Variants in ANXA10 observed in about 807,000 individuals in gnomAD.
ANXA10 encodes annexin A10.
A neutral mutation model predicts 53.5 loss-of-function variants in ANXA10; 49 were observed. The ratio of observed to expected loss-of-function variants is 0.92; its 90% CI spans 0.73 to 1.16. The LOEUF is 1.16. Among genes scored for constraint, ANXA10 ranks in the 50% most tolerant of loss-of-function variants. ANXA10 has a pLI of 0.00. For synonymous variants in ANXA10, 131 were observed against 128.9 expected (o/e 1.02, Z -0.11); for missense variants, 393 against 394.4 (o/e 1.00, Z 0.03).
chr4:168,097,783 A>T (rs189481931), intron 1 of ANXA10, among the ~76,000 whole-genome samples: 349 of 152,260 alleles, frequency 2.3e-3, no homozygotes, highest in Admixed American at 4.3e-3. Context: ...TTTCATTGAC[A>T]TATAAGATTC....
At chr4:168,163,012 A>G (rs1731813363) in intron 4 of ANXA10, among the ~76,000 whole-genome samples, 1 of 152,216 alleles carries the variant, frequency 6.6e-6, no homozygotes. Flanking sequence ...GAATCTTGTT[A>G]CATTATTTGT....
At chr4:168,136,640 C>G (rs1028210010) in intron 2 of ANXA10, among the ~76,000 whole-genome samples, 2 of 152,184 alleles carry the variant, frequency 1.3e-5, no homozygotes, top group African/African-American at 4.8e-5. Flanking sequence ...AGCTCCGCCC[C>G]CATGGCTCTG....
rs1298587667 is a variant in ANXA10, at chr4:168,179,423, C to T, written c.724+111C>T. 19 of 731,032 alleles carry T rather than the reference C, an allele frequency of 2.6e-5. 1 individual carries two copies. The South Asian group carries it at 3.6e-4, about 14-fold the overall frequency. The allele number at this position is 731,032 out of a possible 1,614,324, so 45.3% of individuals were successfully genotyped here. On this transcript the variant is annotated intron_variant, in intron 9 of 11. Transcript: ENST00000359299. Reference sequence around the variant, plus strand: ...GTAAGCTCTTGATCGAGTCATTTTCCCTTGAATTTAATTTTTTAAAAGGAC... The same window carrying T: ...GTAAGCTCTTGATCGAGTCATTTTCTCTTGAATTTAATTTTTTAAAAGGAC...
In ANXA10 at chr4:168,139,536, C is replaced by T. The variant is rs775607456; in HGVS notation, c.151C>T (p.Gln51Ter). The change falls in exon 3 of 12, where the codon CAA (glutamine) becomes TAA (stop). Residue 51 changes from glutamine to a stop codon, truncating the protein, a stop_gained. Coordinates refer to ENST00000359299, the MANE Select transcript of ANXA10 (RefSeq NM_007193.5). LOFTEE classifies it high-confidence loss of function. Reference protein sequence around the residue: ...INILTQRCNAQRMMIAEAYQS... With the variant: ...INILTQRCNA ...CATTCTGACTCAGCGCTGCAATGCA[C>T]AAAGGATGATGATTGCAGAGGCATA... 6 of 1,613,198 alleles carry T rather than the reference C, an allele frequency of 3.7e-6. No homozygotes were observed. The highest frequency in any genetic ancestry group is 5.1e-6 in the Non-Finnish European group (6 of 1,179,326).
At chr4:168,103,926 G>A (rs1730680269) in intron 1 of ANXA10, among the ~76,000 whole-genome samples, 1 of 151,770 alleles carries the variant, frequency 6.6e-6, no homozygotes, top group Non-Finnish European at 1.5e-5. Flanking sequence ...GTATGGTATT[G>A]AAGTAATGGA....
chr4:168,151,255 G>A (rs1454497351), intron 3 of ANXA10, among the ~76,000 whole-genome samples: 1 of 152,036 alleles, frequency 6.6e-6, no homozygotes, highest in Admixed American at 6.6e-5. Context: ...AATAATAATA[G>A]AAAAAGCCAT....
At chr4:168,108,971 C>T (rs1411123614) in intron 1 of ANXA10, among the ~76,000 whole-genome samples, 1 of 152,184 alleles carries the variant, frequency 6.6e-6, no homozygotes, top group Non-Finnish European at 1.5e-5. Context: ...TGAATAACAA[C>T]ACTGATTTTT....
At chr4:168,183,421 T>C (rs920849336) in intron 10 of ANXA10, among the ~76,000 whole-genome samples, 4 of 152,226 alleles carry the variant, frequency 2.6e-5, no homozygotes, top group African/African-American at 9.6e-5. Context: ...ATGATTTCAA[T>C]TGTTTCCTTC....
intron 1 of ANXA10, among the ~76,000 whole-genome samples, chr4:168,110,901 G>A (rs753384651): frequency 2.8e-4 from 43 of 152,136 alleles, no homozygotes; most frequent in Non-Finnish European, 4.7e-4. Context: ...CAAAAAGGAG[G>A]AAAGTAAAAG....
chr4:168,179,313 G>T lies in ANXA10; in HGVS notation c.724+1G>T. 3 of 1,592,378 alleles carry T rather than the reference G, an allele frequency of 1.9e-6. No individual in the cohort carries two copies. Among genetic ancestry groups the T allele is most frequent in the Non-Finnish European group, 1.7e-6 (2 of 1,162,466 alleles). On this transcript the variant is annotated splice_donor_variant, in intron 9 of 11. Transcript: ENST00000359299. LOFTEE classifies it high-confidence loss of function. ...TTTCAGGAGCTGCTGGTTGCAATTG[G>T]TAAGTAATAAATTATTTGAAGCACA...
intron 3 of ANXA10, among the ~76,000 whole-genome samples, chr4:168,152,561 G>C (rs1560781834): frequency 6.6e-6 from 1 of 152,034 alleles, no homozygotes; most frequent in Admixed American, 6.6e-5. Context: ...AGTGTGGCTT[G>C]AGAGAAAACA....
chr4:168,137,976 T>C (rs1035279969), intron 2 of ANXA10, among the ~76,000 whole-genome samples: 3 of 149,006 alleles, frequency 2.0e-5, no homozygotes, highest in South Asian at 2.1e-4. Flanking sequence ...TTTTTTTTTT[T>C]CTTGAGATGG....
intron 3 of ANXA10, among the ~76,000 whole-genome samples, chr4:168,155,126 A>G (rs1731582445): frequency 1.3e-5 from 2 of 149,684 alleles, no homozygotes; most frequent in South Asian, 2.1e-4. Context: ...AACATTATTT[A>G]TTGTTGGTAT....
intron 1 of ANXA10, among the ~76,000 whole-genome samples, chr4:168,126,033 A>G (rs1487229678): frequency 6.6e-6 from 1 of 152,184 alleles, no homozygotes. Flanking sequence ...AAAAATCTTA[A>G]TACATACAGA....
At chr4:168,097,728 G>T (rs1730574549) in intron 1 of ANXA10, among the ~76,000 whole-genome samples, 1 of 152,230 alleles carries the variant, frequency 6.6e-6, no homozygotes, top group Non-Finnish European at 1.5e-5. Flanking sequence ...TGGTCAGAGA[G>T]TAATAAATAT....
intron 6 of ANXA10, among the ~76,000 whole-genome samples, chr4:168,172,628 C>T (rs1228627840): frequency 2.0e-5 from 3 of 152,076 alleles, no homozygotes; most frequent in Non-Finnish European, 4.4e-5. Flanking sequence ...CCAGCCAGCC[C>T]TTAAGATGCT....
intron 6 of ANXA10, among the ~76,000 whole-genome samples, chr4:168,165,583 A>G (rs1023749265): frequency 1.3e-5 from 2 of 152,164 alleles, no homozygotes; most frequent in Admixed American, 1.3e-4. Flanking sequence ...TTATAAATAT[A>G]CATGTATGTA....
rs114021300 is a variant in ANXA10 at position 168,179,462 on chromosome 4, G to A, written c.724+150G>A. ...TTTTAAAAGGACATTAACTCCATAG[G>A]GGAAGAGTACATCAGCTACTGATAA... On this transcript the variant is annotated intron_variant, in intron 9 of 11. Transcript: ENST00000359299. 7.1e-4 allele frequency: 413 copies of A among 577,968 alleles called. 1 individual carries two copies. Among genetic ancestry groups the A allele is most frequent in the African/African-American group, 6.4e-3 (341 of 53,222 alleles). 35.8% of individuals were successfully genotyped at this position (577,968 alleles called of 1,614,324 possible). A position where few individuals can be genotyped will look rare whatever the true frequency, so the allele number is the denominator to read the frequency against.
chr4:168,152,788 A>G (rs936528851), intron 3 of ANXA10, among the ~76,000 whole-genome samples: 1 of 148,634 alleles, frequency 6.7e-6, no homozygotes, highest in African/African-American at 2.4e-5. Flanking sequence ...AATATAACTC[A>G]TAGGGCTTAT....
Sources: gnomAD v4.1 joint callset for allele counts (sites outside exome capture counted in the v4.1 genomes callset) on GRCh38, gnomAD v4.1.1 for gene constraint, MANE v1.5 for transcripts, NCBI Gene and HGNC (gene_info 2026-07-23, HGNC 2026-07-21) for gene names.